Variants in CLPB observed in about 807,000 individuals in gnomAD.
CLPB encodes the protein ClpB family mitochondrial disaggregase.
A neutral mutation model predicts 78.4 loss-of-function variants in CLPB; 40 were observed. That is an observed-to-expected ratio of 0.51 (90% CI 0.40 to 0.66). CLPB has a LOEUF of 0.66. Ranked by LOEUF, CLPB falls within the 30% of genes least tolerant of loss-of-function variation. The probability of loss-of-function intolerance (pLI) is 0.00; values close to 1 mark genes in which losing one functional copy is unlikely to be tolerated. For synonymous variants in CLPB, 333 were observed against 348.0 expected, an observed-to-expected ratio of 0.96 and a Z score of 0.48; for missense variants, 780 against 886.9, an observed-to-expected ratio of 0.88 and a Z score of 1.53.
At chr11:72,302,124 A>C in intron 10 of CLPB, 160 bp from the exon 11 acceptor site, 1 of 979,440 alleles carries the variant, frequency 1.0e-6, no homozygotes, top group Non-Finnish European at 1.5e-6. Context: ...GATCTTCTCT[A>C]TGTTTATTCT....
chr11:72,425,974 C>T (rs758154458), intron 2 of CLPB, among the ~76,000 whole-genome samples: 8 of 152,032 alleles, frequency 5.3e-5, no homozygotes, highest in Non-Finnish European at 8.8e-5. Context: ...CAGTTTACCC[C>T]GACTCTGTCA....
chr11:72,317,308 G>T, intron 6 of CLPB, 88 bp from the exon 7 acceptor site: 1 of 982,884 alleles, frequency 1.0e-6, no homozygotes, highest in Non-Finnish European at 1.5e-6. Context: ...GAAAACACAG[G>T]TCTGGGTATC....
At chr11:72,426,945 C>A in intron 2 of CLPB, among the ~76,000 whole-genome samples, 1 of 152,204 alleles carries the variant, frequency 6.6e-6, no homozygotes, top group East Asian at 1.9e-4. Flanking sequence ...CTCATACCCT[C>A]CCAGACCAGA....
Position 72,293,255 on chromosome 11 carries a change from T to C in CLPB, c.*112A>G. ...TGGGCTGTGAGGAGGTAAGCAGGCC[T>C]GAGACTGGGTAGAGATGGGAGCGGC... On this transcript the variant is annotated 3_prime_UTR_variant, in exon 16 of 16. Coordinates refer to ENST00000538039, the MANE Select transcript of CLPB (RefSeq NM_001258392.3). 7.3e-7 allele frequency: 1 copy of C among 1,374,998 alleles called. No homozygotes were observed. Among genetic ancestry groups the C allele is most frequent in the Non-Finnish European group, 1.0e-6 (1 of 998,922 alleles). 85.2% of individuals were successfully genotyped at this position (1,374,998 alleles called of 1,614,324 possible).
At chr11:72,408,338 C>G (rs1233339230) in intron 2 of CLPB, 1 of 703,108 alleles carries the variant, frequency 1.4e-6, no homozygotes, top group African/African-American at 1.8e-5. Flanking sequence ...AGGATTAAAA[C>G]AGAATTTCGT....
intron 4 of CLPB, among the ~76,000 whole-genome samples, chr11:72,371,285 T>G (rs2135651963): frequency 6.6e-6 from 1 of 152,140 alleles, no homozygotes; most frequent in South Asian, 2.1e-4. Flanking sequence ...ATCCTGGCAC[T>G]TTGGGAGGCC....
chr11:72,339,323 G>T (rs1286846118), intron 5 of CLPB, among the ~76,000 whole-genome samples: 1 of 152,204 alleles, frequency 6.6e-6, no homozygotes, highest in Non-Finnish European at 1.5e-5. Flanking sequence ...GAGAAAAATA[G>T]TTTAAGGAAG....
At chr11:72,331,021 A>G (rs1159697069) in intron 5 of CLPB, among the ~76,000 whole-genome samples, 1 of 152,182 alleles carries the variant, frequency 6.6e-6, no homozygotes, top group East Asian at 1.9e-4. Flanking sequence ...ATATCATGAT[A>G]CAGAAGTATT....
intron 5 of CLPB, among the ~76,000 whole-genome samples, chr11:72,331,576 T>G (rs1369458342): frequency 7.7e-6 from 1 of 130,386 alleles, no homozygotes; most frequent in Non-Finnish European, 1.7e-5. Context: ...TTCTGTTTTT[T>G]TTTTTTTTTT....
chr11:72,302,284 C>A lies in CLPB; in HGVS notation c.1167+20G>T. The A allele has an allele frequency of 1.2e-6, 2 of 1,613,490 alleles. No homozygotes were observed. Among genetic ancestry groups the A allele is most frequent in the Non-Finnish European group, 1.7e-6 (2 of 1,179,430 alleles). On this transcript the variant is annotated intron_variant, in intron 10 of 15. Coordinates refer to ENST00000538039, the MANE Select transcript of CLPB (RefSeq NM_001258392.3). ...CAAGCCCTCCAAACCATGCTTCAATCAAGGACTGTCATCACTCACCTCGTG... is the reference window on the plus strand; with the variant it reads ...CAAGCCCTCCAAACCATGCTTCAATAAAGGACTGTCATCACTCACCTCGTG...
intron 3 of CLPB, among the ~76,000 whole-genome samples, chr11:72,383,341 G>A (rs1045069562): frequency 9.9e-5 from 15 of 151,824 alleles, no homozygotes; most frequent in South Asian, 2.1e-4. Context: ...TGGCTAACAC[G>A]GTGAAACCCC....
chr11:72,352,769 T>C (rs868309889), intron 5 of CLPB: 4 of 152,226 alleles, frequency 2.6e-5, no homozygotes, highest in Non-Finnish European at 4.4e-5. Flanking sequence ...CCTTGGTGCC[T>C]AGGGCAGGGC....
chr11:72,433,258 A>C (rs1444636569), intron 1 of CLPB, among the ~76,000 whole-genome samples: 1 of 152,158 alleles, frequency 6.6e-6, no homozygotes, highest in Non-Finnish European at 1.5e-5. Flanking sequence ...ACTATCCTTC[A>C]CTATATAAAT....
rs551987243 is a variant in CLPB, at chr11:72,393,946, T to C, written c.542+9020A>G. ...CCTCCTCAAGCTTCATTAACTCTGT[T>C]GGCATTTATCAATGACCTCAATGAA... On this transcript the variant is annotated intron_variant, in intron 3 of 15. Transcript: ENST00000538039. Among the ~76,000 whole-genome samples, 7 of 152,332 alleles carry C rather than the reference T, an allele frequency of 4.6e-5. No homozygotes were observed. In the East Asian group the frequency reaches 1.3e-3, roughly 29 times the overall value.
intron 12 of CLPB, among the ~76,000 whole-genome samples, 180 bp downstream of exon 12, chr11:72,295,312 G>T (rs1207858554): frequency 6.6e-6 from 1 of 152,144 alleles, no homozygotes; most frequent in Non-Finnish European, 1.5e-5. Context: ...TGGGGTCTCT[G>T]TCTCTTTTGT....
In CLPB at chr11:72,293,612, C is replaced by CT; in HGVS notation, c.1788dup (p.Glu597ArgfsTer13). Reference sequence around the variant, plus strand: ...GCCAGCTGGTTCACCACACGGCGTTCTACCTGTCGGTGGGGAGGTGAAGTG... The same window carrying CT: ...GCCAGCTGGTTCACCACACGGCGTTCTTACCTGTCGGTGGGGAGGTGAAGTG... On this transcript the variant is annotated frameshift_variant, in exon 16 of 16. Coordinates refer to ENST00000538039, the MANE Select transcript of CLPB (RefSeq NM_001258392.3). LOFTEE classifies it high-confidence loss of function. 1 of 1,610,224 alleles carries CT rather than the reference C, an allele frequency of 6.2e-7. No homozygotes were observed. The highest frequency in any genetic ancestry group is 1.3e-5 in the African/African-American group (1 of 74,988).
At chr11:72,325,611 A>T (rs1463544520) in intron 6 of CLPB, among the ~76,000 whole-genome samples, 1 of 152,260 alleles carries the variant, frequency 6.6e-6, no homozygotes, top group African/African-American at 2.4e-5. Context: ...AGAATTAAAT[A>T]AAAAATTAGG....
chr11:72,302,079 G>T, intron 10 of CLPB, 115 bp from the exon 11 acceptor site: 1 of 1,198,812 alleles, frequency 8.3e-7, no homozygotes, highest in Non-Finnish European at 1.2e-6. Flanking sequence ...TCTCAACAGA[G>T]ATGATTGGCT....
At position 72,329,618 on chromosome 11, in the gene CLPB, T is replaced by G. The variant is rs1167681055; in HGVS notation, c.873+89A>C. 25 of 788,210 alleles carry G rather than the reference T, an allele frequency of 3.2e-5. 1 individual carries two copies. The East Asian group carries it at 4.7e-4, about 15-fold the overall frequency. The allele number at this position is 788,210 out of a possible 1,614,324, so 48.8% of individuals were successfully genotyped here. A position where few individuals can be genotyped will look rare whatever the true frequency, so the allele number is the denominator to read the frequency against. The stretch of plus-strand genomic sequence containing the variant: ...AATAATCACCTAAGGAGAAGTGGCC[T>G]TTGGTGTAAAGCCTGACATAATTTA... On this transcript the variant is annotated intron_variant, in intron 6 of 15. Coordinates refer to ENST00000538039, the MANE Select transcript of CLPB (RefSeq NM_001258392.3).
Sources: gnomAD v4.1 joint callset for allele counts (sites outside exome capture counted in the v4.1 genomes callset) on GRCh38, gnomAD v4.1.1 for gene constraint, MANE v1.5 for transcripts, NCBI Gene and HGNC (gene_info 2026-07-23, HGNC 2026-07-21) for gene names.